The following DRC11 variants were observed in gnomAD, a reference collection of about 807,000 sequenced individuals.
DRC11 encodes the protein IQ and AAA domain-containing protein 1.
the DRC11 span, among the ~76,000 whole-genome samples, chr2:236,405,827 A>G: frequency 0.015 from 2,236 of 152,318 alleles, 62 homozygotes; most frequent in African/African-American, 0.051. The surrounding 1 kb of genome is among the most constrained non-coding windows in gnomAD (Gnocchi z 4.6). Flanking sequence ...AACATGCTGG[A>G]CAAAGGGATG....
the DRC11 span, among the ~76,000 whole-genome samples, chr2:236,397,435 C>T: frequency 2.8e-4 from 43 of 152,180 alleles, no homozygotes; most frequent in African/African-American, 9.4e-4. This position sits in a 1 kb window ranked among gnomAD's most constrained non-coding sequence, Gnocchi z 5.0. Flanking sequence ...CTGTGAGTCC[C>T]TTCTTGGGAC....
the DRC11 span, chr2:236,408,467 G>A: frequency 9.5e-6 from 7 of 739,764 alleles, no homozygotes; most frequent in Non-Finnish European, 1.3e-5. This position sits in a 1 kb window ranked among gnomAD's most constrained non-coding sequence, Gnocchi z 5.5. Flanking sequence ...GGTATGGGCT[G>A]CTCTAGCCTC....
At chr2:236,503,728 G>A in the DRC11 span, 1 of 1,541,674 alleles carries the variant, frequency 6.5e-7, no homozygotes, top group African/African-American at 1.4e-5. The surrounding 1 kb of genome is among the most constrained non-coding windows in gnomAD (Gnocchi z 4.9). Context: ...CTGTCCTGAT[G>A]CCTCTCCACG....
the DRC11 span, chr2:236,407,932 T>C: frequency 3.8e-6 from 2 of 519,922 alleles, no homozygotes; most frequent in East Asian, 1.0e-4. Flanking sequence ...TTCCATGGTC[T>C]GGGAGCAGCC....
chr2:236,450,477 A>C, the DRC11 span, among the ~76,000 whole-genome samples: 7 of 150,552 alleles, frequency 4.6e-5, no homozygotes, highest in East Asian at 9.8e-4. Context: ...GCACCACCAC[A>C]CCCAGCTAAT....
At chr2:236,378,922 A>C in the DRC11 span, among the ~76,000 whole-genome samples, 4 of 152,232 alleles carry the variant, frequency 2.6e-5, no homozygotes, top group Non-Finnish European at 5.9e-5. Flanking sequence ...CTTCTCAAAC[A>C]ATGCAGCCTT....
chr2:236,379,986 A>G, the DRC11 span, among the ~76,000 whole-genome samples: 1 of 152,298 alleles, frequency 6.6e-6, no homozygotes. Context: ...ATTACTTCCC[A>G]CATTATTAGG....
At chr2:236,399,257 T>C in the DRC11 span, among the ~76,000 whole-genome samples, 1 of 152,270 alleles carries the variant, frequency 6.6e-6, no homozygotes, top group Non-Finnish European at 1.5e-5. The surrounding 1 kb of genome is among the most constrained non-coding windows in gnomAD (Gnocchi z 7.0). Context: ...CCCAAAGTGC[T>C]GGGATTACAG....
the DRC11 span, among the ~76,000 whole-genome samples, chr2:236,496,529 C>T: frequency 2.6e-5 from 4 of 152,144 alleles, no homozygotes; most frequent in Non-Finnish European, 5.9e-5. The surrounding 1 kb of genome is among the most constrained non-coding windows in gnomAD (Gnocchi z 6.3). Context: ...GCAGGAACGT[C>T]GGAGGGCAGC....
chr2:236,357,560 A>G, the DRC11 span, among the ~76,000 whole-genome samples: 4 of 117,460 alleles, frequency 3.4e-5, no homozygotes, highest in East Asian at 9.4e-4. Context: ...TTACATATTT[A>G]CATATATGCA....
chr2:236,321,572 C>G, the DRC11 span, among the ~76,000 whole-genome samples: 1 of 149,024 alleles, frequency 6.7e-6, no homozygotes, highest in Non-Finnish European at 1.5e-5. Context: ...AGTGTTGGCT[C>G]TGGCGGACTT....
chr2:236,358,738 G>A, the DRC11 span, among the ~76,000 whole-genome samples: 2 of 149,384 alleles, frequency 1.3e-5, no homozygotes, highest in Non-Finnish European at 3.0e-5. Flanking sequence ...CCATTTTACA[G>A]ATGAGAAAAG....
At chr2:236,467,663 T>C in the DRC11 span, among the ~76,000 whole-genome samples, 1 of 152,000 alleles carries the variant, frequency 6.6e-6, no homozygotes, top group Non-Finnish European at 1.5e-5. Flanking sequence ...AGCTCTGGAG[T>C]AAAGAAATGT....
At chr2:236,486,344 T>A in the DRC11 span, among the ~76,000 whole-genome samples, 1 of 152,214 alleles carries the variant, frequency 6.6e-6, no homozygotes, top group African/African-American at 2.4e-5. This position sits in a 1 kb window ranked among gnomAD's most constrained non-coding sequence, Gnocchi z 5.7. Context: ...CCCAGATTCC[T>A]GGCCCTGAGA....
At chr2:236,480,038 T>TC in the DRC11 span, among the ~76,000 whole-genome samples, 1 of 151,274 alleles carries the variant, frequency 6.6e-6, no homozygotes, top group Non-Finnish European at 1.5e-5. Context: ...TTTTTTTTTT[T>TC]CCTTTCAGAA....
At chr2:236,372,850 G>C in the DRC11 span, among the ~76,000 whole-genome samples, 1 of 152,104 alleles carries the variant, frequency 6.6e-6, no homozygotes, top group African/African-American at 2.4e-5. This position sits in a 1 kb window ranked among gnomAD's most constrained non-coding sequence, Gnocchi z 4.5. Flanking sequence ...GGTCTCAAGA[G>C]ATCCTCCTGC....
At chr2:236,419,961 G>C in the DRC11 span, among the ~76,000 whole-genome samples, 1 of 152,180 alleles carries the variant, frequency 6.6e-6, no homozygotes, top group East Asian at 1.9e-4. The surrounding 1 kb of genome is among the most constrained non-coding windows in gnomAD (Gnocchi z 4.8). Context: ...AGGTGACAAT[G>C]ACAGGACACG....
the DRC11 span, among the ~76,000 whole-genome samples, chr2:236,367,231 G>A: frequency 1.3e-5 from 2 of 148,588 alleles, no homozygotes; most frequent in African/African-American, 4.9e-5. The surrounding 1 kb of genome is among the most constrained non-coding windows in gnomAD (Gnocchi z 4.8). Context: ...CACAAATTAT[G>A]TTGCCCCTCA....
the DRC11 span, among the ~76,000 whole-genome samples, chr2:236,317,163 G>A: frequency 6.6e-6 from 1 of 152,236 alleles, no homozygotes; most frequent in South Asian, 2.1e-4. The surrounding 1 kb of genome is among the most constrained non-coding windows in gnomAD (Gnocchi z 5.4). Flanking sequence ...GGGCATGGTG[G>A]TGCACACTTG....
Sources: gnomAD v4.1 joint callset for allele counts (sites outside exome capture counted in the v4.1 genomes callset) on GRCh38, gnomAD v4.1.1 for gene constraint, Gnocchi (gnomAD v3.1) non-coding constraint, MANE v1.5 for transcripts, NCBI Gene and HGNC (gene_info 2026-07-23, HGNC 2026-07-21) for gene names.